The following COL6A5 variants were observed in gnomAD, a reference collection of about 807,000 sequenced individuals.
COL6A5 encodes collagen type VI alpha 5 chain.
Under a neutral mutation model 65.6 loss-of-function variants are expected in COL6A5, and 48 were observed. That is an observed-to-expected ratio of 0.73 (90% CI 0.58 to 0.93). The LOEUF (loss-of-function observed/expected upper bound fraction) is 0.93, where lower values mean the gene tolerates loss of function less well. Among genes scored for constraint, COL6A5 ranks in the 40% least tolerant of loss-of-function variants. COL6A5 has a pLI of 0.00. For missense variants in COL6A5, 914 were observed against 928.3 expected (o/e 0.98, Z 0.20); for synonymous variants, 291 against 322.8 (o/e 0.90, Z 1.05).
Position 130,384,791 on chromosome 3 carries a change from A to T in COL6A5, c.1301-13A>T. Reference sequence around the variant, plus strand: ...AGGTTCTCTAATTTACAGAGAATGCACTTCTTTTTCAGGCTGTGTGGATAC... The same window carrying T: ...AGGTTCTCTAATTTACAGAGAATGCTCTTCTTTTTCAGGCTGTGTGGATAC... On this transcript the variant is annotated splice_polypyrimidine_tract_variant and intron_variant and NMD_transcript_variant, in intron 4 of 41. Coordinates refer to the COL6A5 transcript ENST00000312481. The T allele has an allele frequency of 4.0e-6, 6 of 1,517,996 alleles. No homozygotes were observed. Among genetic ancestry groups the T allele is most frequent in the Non-Finnish European group, 5.3e-6 (6 of 1,132,844 alleles). 94.0% of individuals were successfully genotyped at this position (1,517,996 alleles called of 1,614,324 possible). A position where few individuals can be genotyped will look rare whatever the true frequency, so the allele number is the denominator to read the frequency against.
chr3:130,408,711 C>T (rs1285337483), intron 17 of COL6A5, among the ~76,000 whole-genome samples: 1 of 151,996 alleles, frequency 6.6e-6, no homozygotes, highest in Admixed American at 6.6e-5. Context: ...GTGATGTCAC[C>T]CCCAGAGACC....
intron 1 of COL6A5, among the ~76,000 whole-genome samples, chr3:130,438,538 C>A (rs914932783): frequency 6.6e-6 from 1 of 152,094 alleles, no homozygotes; most frequent in Admixed American, 6.5e-5. Context: ...CCCAAAGCAT[C>A]CAATTTAATA....
chr3:130,481,630 C>T (rs1211563338), intron 7 of COL6A5, among the ~76,000 whole-genome samples: 1 of 152,144 alleles, frequency 6.6e-6, no homozygotes, highest in Admixed American at 6.5e-5. Flanking sequence ...CACTGTCTTC[C>T]ACAATGGTTC....
intron 7 of COL6A5, chr3:130,471,768 T>G (rs1709958675): frequency 6.5e-7 from 1 of 1,534,732 alleles, no homozygotes; most frequent in Admixed American, 2.0e-5. Context: ...CTCCTTGTAT[T>G]AGGGAACAAT....
intron 5 of COL6A5, among the ~76,000 whole-genome samples, chr3:130,456,971 G>A (rs566352345): frequency 2.5e-4 from 38 of 152,008 alleles, no homozygotes; most frequent in African/African-American, 8.4e-4. Context: ...TGAAAAATAG[G>A]CATCTTAGCT....
chr3:130,376,719 C>G, exon 3 of COL6A5: 1 of 1,613,724 alleles, frequency 6.2e-7, no homozygotes, highest in East Asian at 2.2e-5. Flanking sequence ...GGCCACATCC[C>G]ATTTCCATTT....
chr3:130,378,295 C>G (rs1404679969), intron 3 of COL6A5, among the ~76,000 whole-genome samples: 1 of 152,112 alleles, frequency 6.6e-6, no homozygotes, highest in Non-Finnish European at 1.5e-5. Context: ...AAAGACAGCA[C>G]CACCATTCAC....
At position 130,451,688 on chromosome 3, in the gene COL6A5, C is replaced by T. The variant is rs192146734; in HGVS notation, c.1333-3767C>T. ...TTTTCATGAAAAGAAATAAGATCAT[C>T]GGGGGTGACCGTAAGTCAAAGTCAT... On this transcript the variant is annotated intron_variant, in intron 4 of 7. Transcript: ENST00000512836. Among the ~76,000 whole-genome samples the T allele has an allele frequency of 1.4e-3, 216 of 152,112 alleles. 1 individual carries two copies. Among genetic ancestry groups the T allele is most frequent in the African/African-American group, 4.0e-3 (168 of 41,538 alleles).
intron 1 of COL6A5, 21 bp from the exon 2 acceptor site, chr3:130,373,590 G>A (rs750380052): frequency 2.6e-6 from 3 of 1,144,902 alleles, no homozygotes; most frequent in South Asian, 1.4e-5. Flanking sequence ...TTTTCATAAT[G>A]TAAATAATTT....
intron 22 of COL6A5, among the ~76,000 whole-genome samples, chr3:130,415,340 T>G (rs1937307681): frequency 6.6e-6 from 1 of 152,162 alleles, no homozygotes; most frequent in African/African-American, 2.4e-5. Flanking sequence ...GGAATTCATC[T>G]GACTGTTGTT....
At chr3:130,419,871 G>A (rs146756126) in intron 25 of COL6A5, among the ~76,000 whole-genome samples, 24 of 152,014 alleles carry the variant, frequency 1.6e-4, no homozygotes, top group African/African-American at 2.7e-4. Context: ...ACAATATATC[G>A]TATATTTGAA....
rs538997211 is a variant in COL6A5 at position 130,443,998 on chromosome 3, G to A, written c.1332+432G>A. Among the ~76,000 whole-genome samples the A allele has an allele frequency of 3.9e-5, 6 of 152,216 alleles. No homozygotes were observed. In the South Asian group the frequency reaches 8.3e-4, roughly 21 times the overall value. On this transcript the variant is annotated intron_variant, in intron 4 of 7. Coordinates refer to ENST00000512836, the Ensembl canonical transcript of COL6A5. ...CTAGGCATCTTTCATGACCCAGATTGAAGCCATTTTAGAGGCCCACCCTCA... is the reference window on the plus strand; with the variant it reads ...CTAGGCATCTTTCATGACCCAGATTAAAGCCATTTTAGAGGCCCACCCTCA...
At chr3:130,378,967 C>A (rs187087706) in intron 3 of COL6A5, among the ~76,000 whole-genome samples, 4 of 152,124 alleles carry the variant, frequency 2.6e-5, no homozygotes, top group Admixed American at 2.6e-4. Flanking sequence ...GCTAACTCAT[C>A]CCTGCATCCC....
chr3:130,380,182 A>C (rs1935948272), intron 4 of COL6A5, 132 bp downstream of exon 4: 1 of 687,510 alleles, frequency 1.5e-6, no homozygotes, highest in African/African-American at 1.8e-5. Context: ...CTAAAGCTGG[A>C]TTTTGGTGAT....
At chr3:130,446,713 G>C (rs1477289645) in intron 4 of COL6A5, among the ~76,000 whole-genome samples, 1 of 152,054 alleles carries the variant, frequency 6.6e-6, no homozygotes, top group Non-Finnish European at 1.5e-5. Flanking sequence ...GAGTCTTCTG[G>C]TGGGTACCCA....
chr3:130,354,133 A>C (rs1934830781), intron 1 of COL6A5, among the ~76,000 whole-genome samples: 1 of 151,950 alleles, frequency 6.6e-6, no homozygotes, highest in Non-Finnish European at 1.5e-5. Context: ...GAAGGAAAGA[A>C]GGAAGGAAGG....
At chr3:130,420,216 A>G (rs1268749542) in intron 25 of COL6A5, among the ~76,000 whole-genome samples, 1 of 152,094 alleles carries the variant, frequency 6.6e-6, no homozygotes, top group Non-Finnish European at 1.5e-5. Context: ...CCAGAATAAA[A>G]CATAGGAAAG....
At chr3:130,416,414 G>T (rs1252314737) in intron 23 of COL6A5, among the ~76,000 whole-genome samples, 1 of 152,110 alleles carries the variant, frequency 6.6e-6, no homozygotes, top group East Asian at 1.9e-4. Context: ...CACAAAGGTG[G>T]CAAAGTGTCT....
At chr3:130,469,538 A>G in intron 6 of COL6A5, 57 bp downstream of exon 38, 1 of 1,367,568 alleles carries the variant, frequency 7.3e-7, no homozygotes, top group East Asian at 2.4e-5. Context: ...TTCTGTGTAC[A>G]GTCCATCAGC....
Sources: allele counts gnomAD v4.1 joint callset (sites outside exome capture counted in the v4.1 genomes callset), GRCh38; gene constraint gnomAD v4.1.1; transcripts MANE v1.5; gene names NCBI Gene and HGNC (gene_info 2026-07-23, HGNC 2026-07-21).